Variants in SCD observed in about 807,000 individuals in gnomAD.
The protein encoded by SCD is acyl-CoA desaturase.
In SCD, 4 loss-of-function variants were observed where a neutral mutation model predicts 35.7. The observed-to-expected ratio is 0.11, with a 90% confidence interval of 0.06 to 0.26. SCD has a LOEUF of 0.26. SCD is among the 10% of genes least tolerant of loss of function. The pLI is 1.00. For synonymous variants in SCD, 150 were observed against 170.2 expected (o/e 0.88, Z 0.92); for missense variants, 282 against 460.7 (o/e 0.61, Z 3.55).
intron 2 of SCD, 93 bp downstream of exon 2, chr10:100,348,439 C>A: frequency 7.7e-7 from 1 of 1,301,640 alleles, no homozygotes; most frequent in Non-Finnish European, 1.1e-6. Context: ...CAGCCCCTCC[C>A]AGCCTCCCGG....
In SCD at chr10:100,359,163, A is replaced by G. The variant is rs185222926; in HGVS notation, c.881-1571A>G. Among the ~76,000 whole-genome samples, 1,364 of 152,238 alleles carry G rather than the reference A, an allele frequency of 9.0e-3. 12 individuals are homozygous for G. The highest frequency in any genetic ancestry group is 0.013 in the Non-Finnish European group (869 of 68,014). ...CACCTCCAGCCTCTGGGTGGCCATG[A>G]GTTCAAAGTGGCTGCCAATATCTGA... is the stretch of plus-strand genomic sequence containing the variant. On this transcript the variant is annotated intron_variant, in intron 5 of 5. Coordinates refer to ENST00000370355, the MANE Select transcript of SCD (RefSeq NM_005063.5).
At position 100,362,376 on chromosome 10, in the gene SCD, C is replaced by G. The variant is rs201056423; in HGVS notation, c.*1443C>G. 6.6e-6 allele frequency: 1 copy of G among 152,196 alleles called. No homozygotes were observed. The highest frequency in any genetic ancestry group is 1.5e-5 in the Non-Finnish European group (1 of 68,046). The allele number at this position is 152,196 out of a possible 1,614,324, so 9.4% of individuals were successfully genotyped here. On this transcript the variant is annotated 3_prime_UTR_variant, in exon 6 of 6. Transcript: ENST00000370355. ...CTCTCCACAGTGTTGTGCCCCTTCA[C>G]TCATTTTTTTTTGAGGAGAAGGGGG...
intron 3 of SCD, among the ~76,000 whole-genome samples, chr10:100,353,683 G>A (rs1170184433): frequency 6.6e-6 from 1 of 152,122 alleles, no homozygotes; most frequent in African/African-American, 2.4e-5. Flanking sequence ...GCAAATGATA[G>A]CATGTGGCGT....
At chr10:100,348,484 T>C in intron 2 of SCD, 138 bp downstream of exon 2, 1 of 854,240 alleles carries the variant, frequency 1.2e-6, no homozygotes, top group South Asian at 1.7e-5. Context: ...CTTTGGTTGC[T>C]TCAGGCCTAG....
At chr10:100,349,346 G>A (rs1849846942) in intron 2 of SCD, among the ~76,000 whole-genome samples, 1 of 152,238 alleles carries the variant, frequency 6.6e-6, no homozygotes, top group Non-Finnish European at 1.5e-5. Flanking sequence ...AAGTTGGGAA[G>A]GGAAAGCAGG....
intron 2 of SCD, among the ~76,000 whole-genome samples, chr10:100,349,634 C>T (rs1204136871): frequency 6.6e-6 from 1 of 152,138 alleles, no homozygotes; most frequent in Non-Finnish European, 1.5e-5. Context: ...TTTCTAGGTA[C>T]CACCTGTGGG....
In SCD at chr10:100,348,205, C is replaced by G; in HGVS notation, c.169C>G (p.Pro57Ala). The G allele has an allele frequency of 6.2e-7, 1 of 1,614,064 alleles. No individual in the cohort carries two copies. ...TGATATAAAAGATGATATATATGAC[C>G]CCACCTACAAGGATAAGGAAGGCCC... ...RPDIKDDIYD[P>A]TYKDKEGPSP... Residue 57 changes from proline (P) to alanine (A), a missense_variant, in exon 2 of 6, where the codon CCC (proline) becomes GCC (alanine). Pro to Ala is a conservative substitution (Grantham distance 27, BLOSUM62 -1). Transcript: ENST00000370355.
At chr10:100,350,814 A>C (rs574597998) in intron 2 of SCD, among the ~76,000 whole-genome samples, 1 of 152,248 alleles carries the variant, frequency 6.6e-6, no homozygotes, top group Admixed American at 6.5e-5. Flanking sequence ...ATGCAGGTAG[A>C]TACTGTATCT....
chr10:100,348,797 T>C (rs1849838647), intron 2 of SCD, among the ~76,000 whole-genome samples: 1 of 152,100 alleles, frequency 6.6e-6, no homozygotes, highest in Non-Finnish European at 1.5e-5. Flanking sequence ...GAGAGTTTAT[T>C]GGAAAGGGAG....
chr10:100,357,502 T>A (rs1849940253), intron 5 of SCD, among the ~76,000 whole-genome samples: 1 of 152,124 alleles, frequency 6.6e-6, no homozygotes, highest in African/African-American at 2.4e-5. Flanking sequence ...TCTATTTTTC[T>A]CTCTTCTACT....
intron 2 of SCD, 126 bp downstream of exon 2, chr10:100,348,472 C>G: frequency 1.0e-6 from 1 of 960,308 alleles, no homozygotes; most frequent in Admixed American, 2.4e-5. Flanking sequence ...TCAGGCATTT[C>G]TCTTTGGTTG....
rs1849995644 is a variant in SCD at position 100,362,108 on chromosome 10, A to G, written c.*1175A>G. ...GAAAAAACTCTGAAGGAGAGGAGGA[A>G]TTAGTTGGGATGCCAATTTCCTCTC... On this transcript the variant is annotated 3_prime_UTR_variant, in exon 6 of 6. Transcript: ENST00000370355. The G allele has an allele frequency of 6.6e-6, 1 of 152,204 alleles. No individual in the cohort carries two copies. The highest frequency in any genetic ancestry group is 2.4e-5 in the African/African-American group (1 of 41,450). 9.4% of individuals were successfully genotyped at this position (152,204 alleles called of 1,614,324 possible). A position where few individuals can be genotyped will look rare whatever the true frequency, so the allele number is the denominator to read the frequency against.
chr10:100,351,552 A>G (rs1849872829), intron 2 of SCD, among the ~76,000 whole-genome samples: 1 of 152,040 alleles, frequency 6.6e-6, no homozygotes, highest in African/African-American at 2.4e-5. Flanking sequence ...GCTTTTTTGT[A>G]CCAGTTGATA....
rs897356229 is a variant in SCD, at chr10:100,363,745, C to T, written c.*2812C>T. The T allele has an allele frequency of 1.3e-5, 2 of 152,560 alleles. No individual in the cohort carries two copies. The highest frequency in any genetic ancestry group is 4.8e-5 in the African/African-American group (2 of 41,422). The allele number at this position is 152,560 out of a possible 1,614,324, so 9.5% of individuals were successfully genotyped here. ...GGGAGTGTGTCTGCTGAGTAAGGAA[C>T]ACGATTTTCAAGATTCTAAAGCTCA... On this transcript the variant is annotated 3_prime_UTR_variant, in exon 6 of 6. Coordinates refer to ENST00000370355, the MANE Select transcript of SCD (RefSeq NM_005063.5).
In SCD at chr10:100,347,368, C is replaced by T; in HGVS notation, c.-137C>T. On this transcript the variant is annotated 5_prime_UTR_variant, in exon 1 of 6. Transcript: ENST00000370355. The stretch of plus-strand genomic sequence containing the variant: ...GACCTCCACGCACCGCGGCTAGCGC[C>T]GACAACCAGCTAGCGTGCAAGGCGC... 1 of 966,254 alleles carries T rather than the reference C, an allele frequency of 1.0e-6. No individual in the cohort carries two copies. The highest frequency in any genetic ancestry group is 1.6e-6 in the Non-Finnish European group (1 of 614,570). The allele number at this position is 966,254 out of a possible 1,614,324, so 59.9% of individuals were successfully genotyped here.
chr10:100,352,532 A>C lies in SCD; in HGVS notation c.441+36A>C. The C allele has an allele frequency of 6.2e-7, 1 of 1,603,764 alleles. No homozygotes were observed. Among genetic ancestry groups the C allele is most frequent in the Non-Finnish European group, 8.5e-7 (1 of 1,174,270 alleles). On this transcript the variant is annotated intron_variant, in intron 3 of 5. Transcript: ENST00000370355. The surrounding 1 kb of genome is among the most constrained non-coding windows in gnomAD (Gnocchi z 4.2). ...GTCTCTGCTCAGCTGTTTGTCCTCC[A>C]CACTATTAATGATCCGGGGACAGAA... is the stretch of plus-strand genomic sequence containing the variant.
chr10:100,358,435 C>CA (rs1257571093), intron 5 of SCD, among the ~76,000 whole-genome samples: 1 of 150,754 alleles, frequency 6.6e-6, no homozygotes, highest in African/African-American at 2.4e-5. Flanking sequence ...ACTAAAAATA[C>CA]AAAAAAATTA....
intron 2 of SCD, 45 bp downstream of exon 2, chr10:100,348,391 A>C (rs550096447): frequency 6.4e-7 from 1 of 1,572,588 alleles, no homozygotes; most frequent in East Asian, 2.2e-5. Flanking sequence ...CCAGGTACTC[A>C]CTGCTCTTTT....
intron 3 of SCD, among the ~76,000 whole-genome samples, chr10:100,354,065 G>A (rs781177646): frequency 1.3e-5 from 2 of 152,194 alleles, no homozygotes; most frequent in Non-Finnish European, 2.9e-5. Context: ...CCATGCCTAG[G>A]GATTAGGTAC....
Sources: allele counts gnomAD v4.1 joint callset (sites outside exome capture counted in the v4.1 genomes callset), GRCh38; gene constraint gnomAD v4.1.1; non-coding constraint Gnocchi (gnomAD v3.1); transcripts MANE v1.5; gene names NCBI Gene and HGNC (gene_info 2026-07-23, HGNC 2026-07-21).